The following INSR variants were observed in gnomAD, a reference collection of about 807,000 sequenced individuals.
INSR encodes IR.
A neutral mutation model predicts 142.6 loss-of-function variants in INSR; 67 were observed. The observed-to-expected ratio is 0.47, with a 90% confidence interval of 0.39 to 0.58. The LOEUF (loss-of-function observed/expected upper bound fraction) is 0.58. Ranked by LOEUF, INSR falls within the 20% of genes least tolerant of loss-of-function variation. The pLI is 0.00. For synonymous variants in INSR, 756 were observed against 743.1 expected, an observed-to-expected ratio of 1.02 and a Z score of -0.28; for missense variants, 1,248 against 1,833.2, an observed-to-expected ratio of 0.68 and a Z score of 5.83.
At chr19:7,215,713 G>A (rs983290781) in intron 2 of INSR, among the ~76,000 whole-genome samples, 7 of 151,740 alleles carry the variant, frequency 4.6e-5, no homozygotes, top group Admixed American at 1.3e-4. Context: ...AATTACAGGC[G>A]CATGCCACCA....
chr19:7,162,326 C>CAAAAA (rs34182944), intron 9 of INSR, among the ~76,000 whole-genome samples: 1 of 63,100 alleles, frequency 1.6e-5, no homozygotes, highest in Non-Finnish European at 3.0e-5. Flanking sequence ...GACCCTGTCT[C>CAAAAA]AAAAAAAAAA....
chr19:7,158,417 C>A lies in INSR; in HGVS notation c.2029+4615G>T, dbSNP rs574077698. Among the ~76,000 whole-genome samples, 1,042 of 152,230 alleles carry A rather than the reference C, an allele frequency of 6.8e-3. 4 individuals are homozygous for A. The highest frequency in any genetic ancestry group is 0.011 in the Non-Finnish European group (766 of 68,034). On this transcript the variant is annotated intron_variant, in intron 9 of 21. Transcript: ENST00000302850. ...TCGGGAGGCTGACGCAGGAGAATGGCGTGAACCCGGGAGGCGGAGCTTGCA... is the reference window on the plus strand; with the variant it reads ...TCGGGAGGCTGACGCAGGAGAATGGAGTGAACCCGGGAGGCGGAGCTTGCA...
At position 7,245,300 on chromosome 19, in the gene INSR, T is replaced by C. The variant is rs756183696; in HGVS notation, c.652+22045A>G. ...TTAGTTCAACCAGAAAAGGAAACAC[T>C]CTTCTAAAAGGTGTAATAGGGAAAA... On this transcript the variant is annotated intron_variant, in intron 2 of 21. Coordinates refer to ENST00000302850, the MANE Select transcript of INSR (RefSeq NM_000208.4). Among the ~76,000 whole-genome samples, 86 of 151,998 alleles carry C rather than the reference T, an allele frequency of 5.7e-4. 4 individuals carry two copies. Among genetic ancestry groups the C allele is most frequent in the Admixed American group, 2.0e-4 (3 of 15,250 alleles).
At position 7,267,640 on chromosome 19, in the gene INSR, C is replaced by T. The variant is rs760850902; in HGVS notation, c.357G>A (p.Ala119=). 2 of 1,613,782 alleles carry T rather than the reference C, an allele frequency of 1.2e-6. No individual in the cohort carries two copies. The highest frequency in any genetic ancestry group is 1.3e-5 in the African/African-American group (1 of 74,850). The change falls in exon 2 of 22, where the codon GCG becomes GCA. Residue 119 remains alanine (A), a synonymous_variant. Coordinates refer to ENST00000302850, the MANE Select transcript of INSR (RefSeq NM_000208.4). The surrounding 1 kb of genome is among the most constrained non-coding windows in gnomAD (Gnocchi z 6.3). ...GGTGAACCATCTCGAAGATGACCAGCGCGTAGTTAAAGAACAGTCGTGATC... is the reference window on the plus strand; with the variant it reads ...GGTGAACCATCTCGAAGATGACCAGTGCGTAGTTAAAGAACAGTCGTGATC... ...IRGSRLFFNY[A]LVIFEMVHLK... is the part of the protein sequence containing the mutation.
chr19:7,117,157 C>A lies in INSR; in HGVS notation c.4048G>T (p.Gly1350Cys), dbSNP rs1351320424. Residue 1350 changes from glycine (G) to cysteine (C), a missense_variant, in exon 22 of 22, where the codon GGT becomes TGT. Transcript: ENST00000302850. ...TGTTCCTCGTAGCTCCGCTTGAAAC[C>A]CAGCGAGGACCCTCCATCCCGGCCC... ...AGGRDGGSSL[G>C]FKRSYEEHIP... 1 of 1,613,912 alleles carries A rather than the reference C, an allele frequency of 6.2e-7. No homozygotes were observed. The highest frequency in any genetic ancestry group is 2.2e-5 in the East Asian group (1 of 44,878).
chr19:7,126,520 G>C, intron 16 of INSR, 64 bp downstream of exon 16: 1 of 1,388,428 alleles, frequency 7.2e-7, no homozygotes, highest in Non-Finnish European at 1.0e-6. Flanking sequence ...CTCACTCAAT[G>C]GTGAAGGCAA....
At chr19:7,285,602 C>T (rs2145246871) in intron 1 of INSR, among the ~76,000 whole-genome samples, 1 of 152,172 alleles carries the variant, frequency 6.6e-6, no homozygotes, top group African/African-American at 2.4e-5. Context: ...CACCACTGCA[C>T]TCCAGCCTGG....
chr19:7,197,543 G>T (rs923786958), intron 2 of INSR, among the ~76,000 whole-genome samples: 3 of 140,428 alleles, frequency 2.1e-5, no homozygotes, highest in Admixed American at 7.1e-5. Flanking sequence ...GTGTGTGTGT[G>T]TGTCAGGTTC....
In INSR at chr19:7,192,189, AAAG is replaced by A. The variant is rs1025396205; in HGVS notation, c.653-7555_653-7553del. Reference sequence around the variant, plus strand: ...AAGAAAGACAGAGAAAGAAAAGAAAAAAGAAAGAAAAAGAAAGAAAGGAGAAAG... The same window carrying A: ...AAGAAAGACAGAGAAAGAAAAGAAAAAAAGAAAAAGAAAGAAAGGAGAAAG... On this transcript the variant is annotated intron_variant, in intron 2 of 21. Transcript: ENST00000302850. The surrounding 1 kb of genome is among the most constrained non-coding windows in gnomAD (Gnocchi z 4.2). 9.3e-5 allele frequency among the ~76,000 whole-genome samples: 14 copies of A among 150,068 alleles called. No homozygotes were observed. The highest frequency in any genetic ancestry group is 3.4e-4 in the African/African-American group (14 of 40,788).
intron 1 of INSR, among the ~76,000 whole-genome samples, chr19:7,285,275 AC>A (rs1414180959): frequency 6.6e-6 from 1 of 151,762 alleles, no homozygotes; most frequent in Admixed American, 6.6e-5. Context: ...ACATGGTAAA[AC>A]CCCATCTCTA....
At chr19:7,263,733 T>TCAGGCACAGCCAGGCACAGC (rs911101848) in intron 2 of INSR, among the ~76,000 whole-genome samples, 7 of 152,100 alleles carry the variant, frequency 4.6e-5, no homozygotes, top group Non-Finnish European at 1.0e-4. Flanking sequence ...ACTCAAAACA[T>TCAGGCACAGCCAGGCACAGC]CAGGCACAGC....
chr19:7,153,047 A>C (rs1973433283), intron 9 of INSR, 120 bp from the exon 10 acceptor site: 10 of 345,580 alleles, frequency 2.9e-5, no homozygotes, highest in Admixed American at 8.2e-5. Context: ...CACACCACAC[A>C]CCCCCCCACA....
rs181109537 is a variant in INSR at position 7,264,994 on chromosome 19, C to T, written c.652+2351G>A. Reference sequence around the variant, plus strand: ...GGACTCACTCACTCTGGGTGGCTTCCCCAGAGCGTTGGGCTCAGATAAGAA... The same window carrying T: ...GGACTCACTCACTCTGGGTGGCTTCTCCAGAGCGTTGGGCTCAGATAAGAA... On this transcript the variant is annotated intron_variant, in intron 2 of 21. Coordinates refer to ENST00000302850, the MANE Select transcript of INSR (RefSeq NM_000208.4). Among the ~76,000 whole-genome samples the T allele has an allele frequency of 2.0e-4, 30 of 152,240 alleles. No homozygotes were observed. In the East Asian group the frequency reaches 5.4e-3, roughly 27 times the overall value.
chr19:7,137,702 C>T (rs867048415), intron 13 of INSR, among the ~76,000 whole-genome samples: 3 of 144,650 alleles, frequency 2.1e-5, no homozygotes, highest in African/African-American at 7.6e-5. Flanking sequence ...GCAGGAGAAT[C>T]GCTTAAACAG....
At chr19:7,197,385 G>C (rs1410367351) in intron 2 of INSR, among the ~76,000 whole-genome samples, 1 of 152,256 alleles carries the variant, frequency 6.6e-6, no homozygotes, top group African/African-American at 2.4e-5. Context: ...GTCCACGGGG[G>C]CGGGCCCTCT....
At chr19:7,205,217 C>T (rs1370563658) in intron 2 of INSR, among the ~76,000 whole-genome samples, 2 of 152,218 alleles carry the variant, frequency 1.3e-5, no homozygotes, top group Non-Finnish European at 2.9e-5. Context: ...ATGGTTAGAA[C>T]AGACCTTTCC....
rs760109329 is a variant in INSR, at chr19:7,170,745, G to A, written c.1275C>T (p.Tyr425=). The A allele has an allele frequency of 1.2e-6, 2 of 1,613,180 alleles. No individual in the cohort carries two copies. Among genetic ancestry groups the A allele is most frequent in the Non-Finnish European group, 1.7e-6 (2 of 1,179,142 alleles). ...TCTGGTTGTCCAAGGCATAGAAGGA[G>A]TAGTTCCTATGGAAAAAACACACAC... ...IRGETLEIGN[Y]SFYALDNQNL... is the part of the protein sequence containing the mutation. The change falls in exon 6 of 22, where the codon TAC becomes TAT. Residue 425 remains tyrosine (Y), a synonymous_variant. Transcript: ENST00000302850.
intron 2 of INSR, among the ~76,000 whole-genome samples, chr19:7,245,747 AGCC>A (rs1976522530): frequency 6.6e-6 from 1 of 152,176 alleles, no homozygotes; most frequent in Admixed American, 6.6e-5. Context: ...CGCCCAGCCG[AGCC>A]CCACTTCTTT....
At chr19:7,133,211 A>C (rs74492874) in intron 13 of INSR, among the ~76,000 whole-genome samples, 134 of 152,294 alleles carry the variant, frequency 8.8e-4, no homozygotes, top group African/African-American at 3.1e-3. Context: ...GCAGTGAGCT[A>C]TGAAGGCTCC....
Sources: gnomAD v4.1 joint callset for allele counts (sites outside exome capture counted in the v4.1 genomes callset) on GRCh38, gnomAD v4.1.1 for gene constraint, Gnocchi (gnomAD v3.1) non-coding constraint, MANE v1.5 for transcripts, NCBI Gene and HGNC (gene_info 2026-07-23, HGNC 2026-07-21) for gene names.